The following CHRNA10 variants were observed in gnomAD, a reference collection of about 807,000 sequenced individuals.
The protein encoded by CHRNA10 is cholinergic receptor nicotinic alpha 10 subunit.
In CHRNA10, 31 loss-of-function variants were observed where a neutral mutation model predicts 36.0. The ratio of observed to expected loss-of-function variants is 0.86; its 90% CI spans 0.65 to 1.16. The LOEUF (loss-of-function observed/expected upper bound fraction) is 1.16. CHRNA10 is among the 50% of genes most tolerant of loss of function. The pLI is 0.00. For synonymous variants in CHRNA10, 302 were observed against 287.0 expected (o/e 1.05, Z -0.53); for missense variants, 648 against 640.9 (o/e 1.01, Z -0.12).
chr11:3,669,874 A>T lies in CHRNA10; in HGVS notation c.129T>A (p.Ser43Arg), dbSNP rs779294251. 13 of 1,613,978 alleles carry T rather than the reference A, an allele frequency of 8.1e-6. No individual in the cohort carries two copies. The highest frequency in any genetic ancestry group is 5.9e-6 in the Non-Finnish European group (7 of 1,179,998). The part of the protein sequence containing the change: ...LFRDLFANYT[S>R]ALRPVADTDQ... ...CTGTGTCTGCCACAGGTCTCAGGGC[A>T]CTTGTGTAGTTGGCAAAGAGGTCAC... is the stretch of plus-strand genomic sequence containing the variant. The change falls in exon 2 of 5, where the codon AGT becomes AGA. Residue 43 changes from serine (S) to arginine (R), a missense_variant. Ser to Arg is a moderately radical substitution (Grantham distance 110). Transcript: ENST00000250699.
Position 3,667,471 on chromosome 11 carries a change from C to G in CHRNA10, c.656G>C (p.Cys219Ser). The G allele has an allele frequency of 1.3e-6, 2 of 1,592,236 alleles. No homozygotes were observed. The highest frequency in any genetic ancestry group is 1.7e-6 in the Non-Finnish European group (2 of 1,175,306). Residue 219 changes from cysteine to serine, a missense_variant, in exon 4 of 5, where the codon TGC becomes TCC. Cys to Ser is a moderately radical substitution (Grantham distance 112, BLOSUM62 -1). Coordinates refer to ENST00000250699, the MANE Select transcript of CHRNA10 (RefSeq NM_020402.4). ...ARRRVLTYGC[C>S]SEPYPDVTFT... Reference sequence around the variant, plus strand: ...GGTGACGTCGGGGTAGGGCTCGGAGCAGCAGCCGTAGGTGAGCACGCGCCG... The same window carrying G: ...GGTGACGTCGGGGTAGGGCTCGGAGGAGCAGCCGTAGGTGAGCACGCGCCG...
At position 3,671,227 on chromosome 11, in the gene CHRNA10, A is replaced by C. The variant is rs1027398779; in HGVS notation, c.61+25T>G. 8 of 1,611,320 alleles carry C rather than the reference A, an allele frequency of 5.0e-6. No individual in the cohort carries two copies. In the South Asian group the frequency reaches 6.6e-5, roughly 13 times the overall value. ...AATAGTAGCACCACCAGGAGAGGCC[A>C]GGGCTGGTGTACTGAGCTTCATACC... On this transcript the variant is annotated intron_variant, in intron 1 of 4. Transcript: ENST00000250699.
chr11:3,666,431 G>A lies in CHRNA10; in HGVS notation c.1029C>T (p.His343=), dbSNP rs766160502. ...CCCGCACGCACAGGCCCCGTGCCAG[G>A]TGTCCCAGCAGGAGGGCCCTAGCCC... ...PAWARALLLG[H]LARGLCVRER... Residue 343 remains histidine (H), a synonymous_variant, in exon 5 of 5, where the codon CAC becomes CAT. Coordinates refer to ENST00000250699, the MANE Select transcript of CHRNA10 (RefSeq NM_020402.4). 1 of 1,613,996 alleles carries A rather than the reference G, an allele frequency of 6.2e-7. No homozygotes were observed. Among genetic ancestry groups the A allele is most frequent in the Non-Finnish European group, 8.5e-7 (1 of 1,179,954 alleles).
At chr11:3,670,978 C>G (rs1035927268) in intron 1 of CHRNA10, 3 of 522,320 alleles carry the variant, frequency 5.7e-6, no homozygotes, top group Non-Finnish European at 1.0e-5. Flanking sequence ...GGAGAAAGAC[C>G]TGGCCTGGCC....
intron 4 of CHRNA10, 89 bp from the exon 5 acceptor site, chr11:3,666,653 C>A: frequency 9.6e-7 from 1 of 1,039,546 alleles, no homozygotes; most frequent in Non-Finnish European, 1.4e-6. Context: ...TGGAAATAAG[C>A]CCACCATGAA....
intron 3 of CHRNA10, 31 bp from the exon 4 acceptor site, chr11:3,667,795 G>A: frequency 1.4e-6 from 2 of 1,457,154 alleles, no homozygotes. Context: ...GCTCACCTAG[G>A]CTGTCCAGCC....
rs1171788194 is a variant in CHRNA10 at position 3,667,351 on chromosome 11, T to A, written c.776A>T (p.His259Leu). Residue 259 changes from histidine (H) to leucine (L), a missense_variant, in exon 4 of 5, where the codon CAC (histidine) becomes CTC (leucine). By Grantham distance (99) the His-to-Leu change is moderately conservative. Coordinates refer to ENST00000250699, the MANE Select transcript of CHRNA10 (RefSeq NM_020402.4). ...CTTCTCGCCTGAGTCGGCAGGCAGGTGGAAGGCGAGCGGCGCAAGCAGCGA... is the reference window on the plus strand; with the variant it reads ...CTTCTCGCCTGAGTCGGCAGGCAGGAGGAAGGCGAGCGGCGCAAGCAGCGA... ...LISLLAPLAFHLPADSGEKVS... is the reference protein window; with the variant it reads ...LISLLAPLAFLLPADSGEKVS... 4.4e-6 allele frequency: 7 copies of A among 1,600,696 alleles called. No homozygotes were observed. Among genetic ancestry groups the A allele is most frequent in the Non-Finnish European group, 5.9e-6 (7 of 1,178,488 alleles).
intron 3 of CHRNA10, 77 bp downstream of exon 3, chr11:3,669,118 AG>A: frequency 1.4e-6 from 2 of 1,451,504 alleles, no homozygotes; most frequent in Non-Finnish European, 9.4e-7. Context: ...TGGTAGGGAG[AG>A]GGGATCACTA....
chr11:3,670,700 C>T (rs1345061828), intron 1 of CHRNA10, among the ~76,000 whole-genome samples: 4 of 152,152 alleles, frequency 2.6e-5, no homozygotes, highest in Non-Finnish European at 4.4e-5. Flanking sequence ...GGGAATTATC[C>T]CTCCCTTCTC....
At chr11:3,667,208 T>TC in intron 4 of CHRNA10, 24 bp downstream of exon 4, 1 of 1,531,530 alleles carries the variant, frequency 6.5e-7, no homozygotes, top group Non-Finnish European at 8.7e-7. Flanking sequence ...CATCGTCAGG[T>TC]CCCCCCGCGC....
At position 3,666,409 on chromosome 11, in the gene CHRNA10, G is replaced by A. The variant is rs139793380; in HGVS notation, c.1051C>T (p.Arg351Trp). ...TGCCCACAGGGCTCCCCTCTTTCCC[G>A]CACGCACAGGCCCCGTGCCAGGTGT... is the stretch of plus-strand genomic sequence containing the variant. ...LGHLARGLCV[R>W]ERGEPCGQSR... The change falls in exon 5 of 5, where the codon CGG becomes TGG. Residue 351 changes from arginine (R) to tryptophan (W), a missense_variant. Physicochemically the swap from Arg to Trp is moderately radical, Grantham distance 101. Transcript: ENST00000250699. 649 of 1,613,880 alleles carry A rather than the reference G, an allele frequency of 4.0e-4. 1 individual carries two copies. The African/African-American group carries it at 7.1e-3, about 18-fold the overall frequency.
rs1260297375 is a variant in CHRNA10 at position 3,669,961 on chromosome 11, G to A, written c.62-20C>T. ...GGCACTCTGGAGGGTCAGTAAGGAGGGTTGTCCATCCCAGGCCCTAGTCCC... is the reference window on the plus strand; with the variant it reads ...GGCACTCTGGAGGGTCAGTAAGGAGAGTTGTCCATCCCAGGCCCTAGTCCC... On this transcript the variant is annotated intron_variant, in intron 1 of 4. Transcript: ENST00000250699. 6.2e-7 allele frequency: 1 copy of A among 1,613,856 alleles called. No individual in the cohort carries two copies. The highest frequency in any genetic ancestry group is 1.3e-5 in the African/African-American group (1 of 74,914).
chr11:3,669,414 A>G (rs1746199396), intron 2 of CHRNA10, 64 bp from the exon 3 acceptor site: 1 of 1,569,368 alleles, frequency 6.4e-7, no homozygotes, highest in African/African-American at 1.3e-5. Context: ...CTGTCTGTGC[A>G]CACTCCCCTG....
At position 3,667,730 on chromosome 11, in the gene CHRNA10, T is replaced by G; in HGVS notation, c.397A>C (p.Asn133His). The G allele has an allele frequency of 1.3e-6, 2 of 1,568,370 alleles. No homozygotes were observed. The highest frequency in any genetic ancestry group is 1.7e-6 in the Non-Finnish European group (2 of 1,164,664). ...DAQPPGSAST[N>H]VVLRHDGAVR... ...GCGCCATCGTGGCGCAGGACCACGT[T>G]GGTGCTGGCGGAACCTGGAGGCTGC... The change falls in exon 4 of 5, where the codon AAC (asparagine) becomes CAC (histidine). Residue 133 changes from asparagine (N) to histidine (H), a missense_variant. Transcript: ENST00000250699.
chr11:3,667,124 CT>C, intron 4 of CHRNA10, 107 bp downstream of exon 4: 2 of 1,421,468 alleles, frequency 1.4e-6, no homozygotes, highest in South Asian at 3.0e-5. Flanking sequence ...GGACGCCCCC[CT>C]CTCACTTTCT....
chr11:3,671,152 G>A, intron 1 of CHRNA10, 100 bp downstream of exon 1: 1 of 1,237,534 alleles, frequency 8.1e-7, no homozygotes, highest in Non-Finnish European at 1.2e-6. Flanking sequence ...AACAGGTACT[G>A]AGGAGAAACA....
rs753478084 is a variant in CHRNA10, at chr11:3,666,389, A to G, written c.1071T>C (p.Cys357=). The G allele has an allele frequency of 1.2e-6, 2 of 1,613,796 alleles. No homozygotes were observed. Among genetic ancestry groups the G allele is most frequent in the East Asian group, 2.2e-5 (1 of 44,882 alleles). The change falls in exon 5 of 5, where the codon TGT becomes TGC. Residue 357 remains cysteine (C), a synonymous_variant. Coordinates refer to ENST00000250699, the MANE Select transcript of CHRNA10 (RefSeq NM_020402.4). The stretch of plus-strand genomic sequence containing the variant: ...ATAACTCAGGTGGCCTGGACTGCCC[A>G]CAGGGCTCCCCTCTTTCCCGCACGC... The part of the protein sequence containing the change: ...GLCVRERGEP[C]GQSRPPELSP...
At chr11:3,669,766 C>A in intron 2 of CHRNA10, 30 bp downstream of exon 2, 1 of 1,613,708 alleles carries the variant, frequency 6.2e-7, no homozygotes, top group Non-Finnish European at 8.5e-7. Flanking sequence ...ACAGGTAAGA[C>A]TCCACAGCTG....
In CHRNA10 at chr11:3,667,628, G is replaced by A; in HGVS notation, c.499C>T (p.His167Tyr). 6.4e-7 allele frequency: 1 copy of A among 1,557,162 alleles called. No homozygotes were observed. The highest frequency in any genetic ancestry group is 8.7e-7 in the Non-Finnish European group (1 of 1,156,062). ...DVAAFPFDAQ[H>Y]CGLTFGSWTH... ...CAGGAGCCGAACGTCAGGCCGCAGT[G>A]CTGGGCGTCGAACGGGAAGGCTGCT... Residue 167 changes from histidine (H) to tyrosine (Y), a missense_variant, in exon 4 of 5, where the codon CAC (histidine) becomes TAC (tyrosine). By Grantham distance (83) the His-to-Tyr change is moderately conservative (BLOSUM62 2). Transcript: ENST00000250699.
Sources: allele counts gnomAD v4.1 joint callset (sites outside exome capture counted in the v4.1 genomes callset), GRCh38; gene constraint gnomAD v4.1.1; transcripts MANE v1.5; gene names NCBI Gene and HGNC (gene_info 2026-07-23, HGNC 2026-07-21).